LAMA4: variants seen among roughly 807,000 people sequenced by gnomAD.
The protein encoded by LAMA4 is laminin subunit alpha-4.
A neutral mutation model predicts 207.1 loss-of-function variants in LAMA4; 127 were observed. The observed-to-expected ratio is 0.61, with a 90% CI of 0.53 to 0.71. LAMA4 has a LOEUF of 0.71. Ranked by LOEUF, LAMA4 falls within the 30% of genes least tolerant of loss-of-function variation. The pLI is 0.00. For missense variants in LAMA4, 2,093 were observed against 2,246.5 expected (o/e 0.93, Z 1.38); for synonymous variants, 761 against 816.0 (o/e 0.93, Z 1.15).
chr6:112,129,163 A>C, intron 30 of LAMA4, 88 bp from the exon 31 acceptor site: 1 of 1,173,888 alleles, frequency 8.5e-7, no homozygotes, highest in Non-Finnish European at 1.2e-6. Flanking sequence ...GAGCTTTGGC[A>C]ATTAAAATGT....
chr6:112,135,123 G>A (rs1209316293), intron 25 of LAMA4, among the ~76,000 whole-genome samples: 3 of 151,984 alleles, frequency 2.0e-5, no homozygotes, highest in Non-Finnish European at 4.4e-5. Context: ...GTGTGTGTGT[G>A]TGAGCATGTG....
intron 29 of LAMA4, 86 bp downstream of exon 29, chr6:112,130,882 G>T: frequency 7.1e-7 from 1 of 1,412,846 alleles, no homozygotes; most frequent in Non-Finnish European, 1.0e-6. Context: ...AAAGTTATAG[G>T]ACAGCCTATT....
At chr6:112,120,166 T>G (rs1778264123) in intron 33 of LAMA4, 117 bp downstream of exon 33, 8 of 815,922 alleles carry the variant, frequency 9.8e-6, no homozygotes, top group Non-Finnish European at 1.4e-5. Flanking sequence ...GAATTCTGAG[T>G]GTGCAGCAGC....
intron 28 of LAMA4, 77 bp from the exon 29 acceptor site, chr6:112,131,178 T>C (rs556225425): frequency 2.2e-6 from 3 of 1,378,930 alleles, no homozygotes; most frequent in East Asian, 4.6e-5. Context: ...ATTTACTGAA[T>C]GGTATTGCTT....
chr6:112,179,335 G>C (rs1226008539), intron 9 of LAMA4: 1 of 152,266 alleles, frequency 6.6e-6, no homozygotes, highest in African/African-American at 2.4e-5. Flanking sequence ...ATGATTCAAG[G>C]CTAGGACACC....
intron 30 of LAMA4, 80 bp from the exon 31 acceptor site, chr6:112,129,155 G>T: frequency 7.8e-7 from 1 of 1,277,642 alleles, no homozygotes; most frequent in Non-Finnish European, 1.1e-6. Context: ...AAGTGAAAGA[G>T]CTTTGGCAAT....
intron 38 of LAMA4, among the ~76,000 whole-genome samples, chr6:112,111,008 T>G (rs1425285585): frequency 6.6e-6 from 1 of 152,206 alleles, no homozygotes; most frequent in Non-Finnish European, 1.5e-5. Flanking sequence ...GTTAGACCCA[T>G]GGGTGGGCTA....
intron 3 of LAMA4, among the ~76,000 whole-genome samples, chr6:112,213,181 T>C (rs1474420856): frequency 1.3e-5 from 2 of 152,202 alleles, no homozygotes; most frequent in Non-Finnish European, 2.9e-5. Flanking sequence ...CCCATTCTAG[T>C]TCTGGTCATT....
chr6:112,131,880 A>C lies in LAMA4; in HGVS notation c.3835-779T>G, dbSNP rs571314332. Among the ~76,000 whole-genome samples, 9 of 152,306 alleles carry C rather than the reference A, an allele frequency of 5.9e-5. No homozygotes were observed. The East Asian group carries it at 1.7e-3, about 29-fold the overall frequency. On this transcript the variant is annotated intron_variant, in intron 28 of 38. Transcript: ENST00000230538. The stretch of plus-strand genomic sequence containing the variant: ...ACCTGGCACATCAGTGTATATATTG[A>C]TGATGACCTTTTCAGAGACCCATCA...
chr6:112,172,332 C>T lies in LAMA4; in HGVS notation c.1551+279G>A, dbSNP rs73766946. The T allele has an allele frequency of 3.1e-3, 1,222 of 400,022 alleles. 12 individuals are homozygous for T. The highest frequency in any genetic ancestry group is 0.023 in the African/African-American group (1,143 of 49,286). 24.8% of individuals were successfully genotyped at this position (400,022 alleles called of 1,614,324 possible). On this transcript the variant is annotated intron_variant, in intron 12 of 38. Coordinates refer to ENST00000230538, the MANE Select transcript of LAMA4 (RefSeq NM_001105206.3). ...TCAGTATAAAAAAAGCTATGCATTGCTTACCCACTTGCAAGAATAACAGAC... is the reference window on the plus strand; with the variant it reads ...TCAGTATAAAAAAAGCTATGCATTGTTTACCCACTTGCAAGAATAACAGAC...
Position 112,165,176 on chromosome 6 carries a change from AG to A in LAMA4, c.1651del (p.Asp552MetfsTer3). On this transcript the variant is annotated frameshift_variant, in exon 13 of 39. Transcript: ENST00000230538. LOFTEE classifies it high-confidence loss of function. ...CGTCCTTACCTTTATTATATCATCAAGTTCTGAAAGAGTTAGACGAGGTGTT... is the reference window on the plus strand; with the variant it reads ...CGTCCTTACCTTTATTATATCATCAATTCTGAAAGAGTTAGACGAGGTGTT... ...LTTPRLTLSE[L>X]DDIIKNASGI... is the part of the protein sequence containing the mutation. 3 of 1,604,478 alleles carry A rather than the reference AG, an allele frequency of 1.9e-6. No homozygotes were observed. Among genetic ancestry groups the A allele is most frequent in the Non-Finnish European group, 2.6e-6 (3 of 1,171,170 alleles).
chr6:112,110,500 A>G (rs782014922), intron 38 of LAMA4, among the ~76,000 whole-genome samples: 1 of 152,218 alleles, frequency 6.6e-6, no homozygotes, highest in Non-Finnish European at 1.5e-5. Flanking sequence ...GAATATGCAG[A>G]AGCTGTGTAC....
Position 112,137,861 on chromosome 6 carries a change from C to G in LAMA4, c.3282+1259G>C, listed in dbSNP as rs531922758. Among the ~76,000 whole-genome samples the G allele has an allele frequency of 2.6e-5, 4 of 152,260 alleles. No homozygotes were observed. In the East Asian group the frequency reaches 7.7e-4, roughly 29 times the overall value. Reference sequence around the variant, plus strand: ...TTTATTCGTGATGACAAATGTCTGACAGTAGTATGAATCCTACTAGTTATT... The same window carrying G: ...TTTATTCGTGATGACAAATGTCTGAGAGTAGTATGAATCCTACTAGTTATT... On this transcript the variant is annotated intron_variant, in intron 24 of 38. Coordinates refer to ENST00000230538, the MANE Select transcript of LAMA4 (RefSeq NM_001105206.3).
At chr6:112,142,904 T>C (rs1159592340) in intron 19 of LAMA4, among the ~76,000 whole-genome samples, 1 of 152,204 alleles carries the variant, frequency 6.6e-6, no homozygotes, top group Admixed American at 6.5e-5. Flanking sequence ...GTTGTGAGCA[T>C]GAAATACGAT....
rs782452634 is a variant in LAMA4 at position 112,115,991 on chromosome 6, C to G, written c.4984G>C (p.Glu1662Gln). 3 of 1,612,436 alleles carry G rather than the reference C, an allele frequency of 1.9e-6. No homozygotes were observed. Among genetic ancestry groups the G allele is most frequent in the African/African-American group, 1.3e-5 (1 of 74,958 alleles). Residue 1662 changes from glutamate to glutamine, a missense_variant and splice_region_variant, in exon 36 of 39, where the codon GAA becomes CAA. Physicochemically the swap from Glu to Gln is conservative, Grantham distance 29. Coordinates refer to ENST00000230538, the MANE Select transcript of LAMA4 (RefSeq NM_001105206.3). Reference protein sequence around the residue: ...STEGGYVVLDESFNIGLKFEI... With the variant: ...STEGGYVVLDQSFNIGLKFEI... The stretch of plus-strand genomic sequence containing the variant: ...AACTTCAATCCAATATTGAAAGATT[C>G]ATCTGTGGAGAGAAACACTATAAAC...
chr6:112,170,100 G>A (rs575396792), intron 12 of LAMA4, among the ~76,000 whole-genome samples: 1 of 152,348 alleles, frequency 6.6e-6, no homozygotes, highest in Non-Finnish European at 1.5e-5. Context: ...CACAACATAT[G>A]TGTTCTCTAG....
At chr6:112,220,666 A>G (rs1554360323) in intron 2 of LAMA4, among the ~76,000 whole-genome samples, 2 of 152,140 alleles carry the variant, frequency 1.3e-5, no homozygotes, top group Admixed American at 1.3e-4. Context: ...CGAGTATCTG[A>G]TTATTTTTGT....
At chr6:112,124,889 T>G (rs1778594425) in intron 31 of LAMA4, among the ~76,000 whole-genome samples, 1 of 152,112 alleles carries the variant, frequency 6.6e-6, no homozygotes, top group African/African-American at 2.4e-5. Flanking sequence ...CCCGAGTAGC[T>G]GGGATTACAG....
chr6:112,151,955 T>G (rs1780429831), intron 16 of LAMA4, among the ~76,000 whole-genome samples: 1 of 152,152 alleles, frequency 6.6e-6, no homozygotes, highest in South Asian at 2.1e-4. Context: ...AAATTACAAT[T>G]GATTTTTTAA....
Sources: gnomAD v4.1 joint callset for allele counts (sites outside exome capture counted in the v4.1 genomes callset) on GRCh38, gnomAD v4.1.1 for gene constraint, MANE v1.5 for transcripts, NCBI Gene and HGNC (gene_info 2026-07-23, HGNC 2026-07-21) for gene names.